The following TRIM8 variants were observed in gnomAD, a reference collection of about 807,000 sequenced individuals.
TRIM8 encodes E3 ubiquitin-protein ligase TRIM8.
In TRIM8, 9 loss-of-function variants were observed where a neutral mutation model predicts 55.7. The observed-to-expected ratio is 0.16, with a 90% CI of 0.10 to 0.28. TRIM8 has a LOEUF of 0.28. TRIM8 is among the 10% of genes least tolerant of loss of function. TRIM8 has a pLI of 1.00. For synonymous variants in TRIM8, 335 were observed against 333.3 expected (o/e 1.01, Z -0.06); for missense variants, 556 against 736.4 (o/e 0.76, Z 2.83).
intron 1 of TRIM8, among the ~76,000 whole-genome samples, chr10:102,652,013 G>A (rs890601731): frequency 6.6e-6 from 1 of 152,216 alleles, no homozygotes; most frequent in South Asian, 2.1e-4. Context: ...CATGCTGTGT[G>A]TGCTGTCGGG....
At chr10:102,648,352 G>A (rs757049058) in intron 1 of TRIM8, among the ~76,000 whole-genome samples, 3 of 152,198 alleles carry the variant, frequency 2.0e-5, no homozygotes, top group Admixed American at 2.0e-4. Context: ...TATGTGGTGC[G>A]TATGTGTCTA....
At chr10:102,652,441 C>T (rs1252045619) in intron 1 of TRIM8, among the ~76,000 whole-genome samples, 11 of 152,196 alleles carry the variant, frequency 7.2e-5, no homozygotes. Context: ...CTCCTTGCAG[C>T]ATGACAGTTA....
In TRIM8 at chr10:102,656,362, A is replaced by G. The variant is rs1187681297; in HGVS notation, c.1025A>G (p.Lys342Arg). The change falls in exon 5 of 6, where the codon AAG becomes AGG. Residue 342 changes from lysine to arginine, a missense_variant. Around this residue, in one of 2 missense-constraint regions of TRIM8, gnomAD observed 391 missense variants for 441.0 expected, o/e 0.89. Transcript: ENST00000643721. The surrounding 1 kb of genome is among the most constrained non-coding windows in gnomAD (Gnocchi z 4.6). Reference sequence around the variant, plus strand: ...CTGAACGAAGTGGCCAAGAAGGAGAAGCAGCTGCGGAAAATGCTAGAAGGT... The same window carrying G: ...CTGAACGAAGTGGCCAAGAAGGAGAGGCAGCTGCGGAAAATGCTAGAAGGT... Reference protein sequence around the residue: ...LFLNEVAKKEKQLRKMLEGPF... With the variant: ...LFLNEVAKKERQLRKMLEGPF... 1.2e-5 allele frequency: 20 copies of G among 1,613,714 alleles called. No individual in the cohort carries two copies. Among genetic ancestry groups the G allele is most frequent in the Non-Finnish European group, 1.7e-5 (20 of 1,179,818 alleles).
At chr10:102,646,548 G>A (rs2063937077) in intron 1 of TRIM8, among the ~76,000 whole-genome samples, 2 of 152,206 alleles carry the variant, frequency 1.3e-5, no homozygotes, top group African/African-American at 4.8e-5. Flanking sequence ...GGCTGGGGCG[G>A]GGGCAGCAAA....
Position 102,656,274 on chromosome 10 carries a change from C to G in TRIM8, c.937C>G (p.Gln313Glu). The part of the protein sequence containing the change: ...KSVKILMDRT[Q>E]TCTSSSLSPT... Reference sequence around the variant, plus strand: ...TGCCCCGTCCACTGCCCCCAGGACCCAGACCTGCACGAGCAGCAGCCTTTC... The same window carrying G: ...TGCCCCGTCCACTGCCCCCAGGACCGAGACCTGCACGAGCAGCAGCCTTTC... The change falls in exon 5 of 6, where the codon CAG (glutamine) becomes GAG (glutamate). Residue 313 changes from glutamine (Q) to glutamate (E), a missense_variant. By Grantham distance (29) the Gln-to-Glu change is conservative. This residue lies in a region of TRIM8 where 391 missense variants were observed against 441.0 expected (regional missense o/e 0.89). Coordinates refer to ENST00000643721, the MANE Select transcript of TRIM8 (RefSeq NM_030912.3). The surrounding 1 kb of genome is among the most constrained non-coding windows in gnomAD (Gnocchi z 4.6). 1.2e-6 allele frequency: 2 copies of G among 1,614,228 alleles called. No individual in the cohort carries two copies. Among genetic ancestry groups the G allele is most frequent in the Non-Finnish European group, 1.7e-6 (2 of 1,180,036 alleles).
In TRIM8 at chr10:102,644,968, C is replaced by G; in HGVS notation, c.351C>G (p.Ser117=). The change falls in exon 1 of 6, where the codon TCC becomes TCG. Residue 117 remains serine (S), a synonymous_variant. Coordinates refer to ENST00000643721, the MANE Select transcript of TRIM8 (RefSeq NM_030912.3). ...CLRCEAPCCQ[S]HVQTHLQQPS... ...GCTGCGAGGCGCCCTGCTGCCAGTC[C>G]CACGTGCAGACGCACCTGCAGCAGC... The G allele has an allele frequency of 6.3e-7, 1 of 1,598,650 alleles. No individual in the cohort carries two copies. The highest frequency in any genetic ancestry group is 8.5e-7 in the Non-Finnish European group (1 of 1,174,026).
Position 102,657,339 on chromosome 10 carries a change from C to T in TRIM8, c.1641C>T (p.His547=), listed in dbSNP as rs780536324. The T allele has an allele frequency of 1.3e-6, 2 of 1,581,426 alleles. No homozygotes were observed. Among genetic ancestry groups the T allele is most frequent in the South Asian group, 2.3e-5 (2 of 87,684 alleles). ...TGTATGGGCAGCCGTCCACCAAACA[C>T]TACGTGACGAGCTAACGCCACGCAG... ...YRVYGQPSTK[H]YVTS is the part of the protein sequence containing the mutation. Residue 547 remains histidine, a synonymous_variant, in exon 6 of 6, where the codon CAC becomes CAT. Coordinates refer to ENST00000643721, the MANE Select transcript of TRIM8 (RefSeq NM_030912.3).
chr10:102,649,580 C>T (rs558791335), intron 1 of TRIM8, among the ~76,000 whole-genome samples: 1 of 152,320 alleles, frequency 6.6e-6, no homozygotes, highest in African/African-American at 2.4e-5. Context: ...CAAAGGGGGG[C>T]TTTCTCTCTC....
At position 102,645,198 on chromosome 10, in the gene TRIM8, TAC is replaced by T; in HGVS notation, c.570+12_570+13del. On this transcript the variant is annotated intron_variant, in intron 1 of 5. Coordinates refer to ENST00000643721, the MANE Select transcript of TRIM8 (RefSeq NM_030912.3). ...AGGAATGAAATCCGGGCAAGTACCCTACGCGCGCGCGCGCACACACACACACA... is the reference window on the plus strand; with the variant it reads ...AGGAATGAAATCCGGGCAAGTACCCTGCGCGCGCGCGCACACACACACACA... The T allele has an allele frequency of 3.3e-6, 5 of 1,523,906 alleles. No homozygotes were observed. Among genetic ancestry groups the T allele is most frequent in the Non-Finnish European group, 4.4e-6 (5 of 1,142,802 alleles). The allele number at this position is 1,523,906 out of a possible 1,614,324, so 94.4% of individuals were successfully genotyped here.
Position 102,645,148 on chromosome 10 carries a change from C to T in TRIM8, c.531C>T (p.His177=), listed in dbSNP as rs2063923015. The change falls in exon 1 of 6, where the codon CAC becomes CAT. Residue 177 remains histidine (H), a synonymous_variant. Coordinates refer to ENST00000643721, the MANE Select transcript of TRIM8 (RefSeq NM_030912.3). The stretch of plus-strand genomic sequence containing the variant: ...ACTACAGCGGCGCGCATCAGGGACA[C>T]TCGGTGTGCGACGTGGAGATCCGAA... The part of the protein sequence containing the change: ...CCYYSGAHQG[H]SVCDVEIRRN... 2.5e-6 allele frequency: 4 copies of T among 1,569,480 alleles called. No homozygotes were observed. The highest frequency in any genetic ancestry group is 3.4e-6 in the Non-Finnish European group (4 of 1,166,254).
chr10:102,649,939 G>A (rs1164995233), intron 1 of TRIM8, among the ~76,000 whole-genome samples: 1 of 152,142 alleles, frequency 6.6e-6, no homozygotes, highest in African/African-American at 2.4e-5. Flanking sequence ...AGGATGGGGT[G>A]GCTCTGAGAA....
chr10:102,649,979 G>A (rs934259043), intron 1 of TRIM8, among the ~76,000 whole-genome samples: 6 of 151,846 alleles, frequency 4.0e-5, no homozygotes, highest in Non-Finnish European at 7.4e-5. Flanking sequence ...GGAGCTGGCC[G>A]GGCAGGGACC....
At chr10:102,653,694 T>A (rs1590108477) in intron 1 of TRIM8, 1 of 152,168 alleles carries the variant, frequency 6.6e-6, no homozygotes, top group Non-Finnish European at 1.5e-5. Flanking sequence ...CTGAGGGAGC[T>A]AGCCAGGACT....
intron 1 of TRIM8, 22 bp downstream of exon 1, chr10:102,645,209 GCGCA>G (rs1173368736): frequency 4.0e-6 from 6 of 1,515,596 alleles, no homozygotes; most frequent in South Asian, 2.5e-5. Context: ...ACGCGCGCGC[GCGCA>G]CACACACACA....
At position 102,657,294 on chromosome 10, in the gene TRIM8, C is replaced by T. The variant is rs2064034577; in HGVS notation, c.1596C>T (p.Gly532=). 6.2e-7 allele frequency: 1 copy of T among 1,612,816 alleles called. No homozygotes were observed. The highest frequency in any genetic ancestry group is 2.2e-5 in the East Asian group (1 of 44,862). ...GGCTTGACGCCTCCCAGCAGCCCGGCCACCAGGATTTCTACAGGGTGTATG... is the reference window on the plus strand; with the variant it reads ...GGCTTGACGCCTCCCAGCAGCCCGGTCACCAGGATTTCTACAGGGTGTATG... ...RDWLDASQQP[G]HQDFYRVYGQ... Residue 532 remains glycine, a synonymous_variant, in exon 6 of 6, where the codon GGC becomes GGT. Transcript: ENST00000643721.
rs550100319 is a variant in TRIM8 at position 102,645,207 on chromosome 10, G to A, written c.570+20G>A. 69 of 1,518,224 alleles carry A rather than the reference G, an allele frequency of 4.5e-5. No homozygotes were observed. The East Asian group carries it at 1.6e-3, about 35-fold the overall frequency. The allele number at this position is 1,518,224 out of a possible 1,614,324, so 94.0% of individuals were successfully genotyped here. A position where few individuals can be genotyped will look rare whatever the true frequency, so the allele number is the denominator to read the frequency against. The stretch of plus-strand genomic sequence containing the variant: ...ATCCGGGCAAGTACCCTACGCGCGC[G>A]CGCGCACACACACACACACAGACAC... On this transcript the variant is annotated intron_variant, in intron 1 of 5. Transcript: ENST00000643721.
In TRIM8 at chr10:102,657,033, G is replaced by C. The variant is rs372655822; in HGVS notation, c.1335G>C (p.Gln445His). Reference sequence around the variant, plus strand: ...CAAGCCCCGTGTTCCCCCCATCGCAGTATCCCAATGGCTCCGCCGCCCAGC... The same window carrying C: ...CAAGCCCCGTGTTCCCCCCATCGCACTATCCCAATGGCTCCGCCGCCCAGC... ...VHSSPVFPPS[Q>H]YPNGSAAQQP... Residue 445 changes from glutamine (Q) to histidine (H), a missense_variant, in exon 6 of 6, where the codon CAG becomes CAC. Gln to His is a conservative substitution (Grantham distance 24, BLOSUM62 0). Coordinates refer to ENST00000643721, the MANE Select transcript of TRIM8 (RefSeq NM_030912.3). 5 of 1,612,924 alleles carry C rather than the reference G, an allele frequency of 3.1e-6. No individual in the cohort carries two copies. Among genetic ancestry groups the C allele is most frequent in the Non-Finnish European group, 4.2e-6 (5 of 1,179,946 alleles).
intron 1 of TRIM8, among the ~76,000 whole-genome samples, chr10:102,652,765 A>G (rs2063994996): frequency 6.6e-6 from 1 of 151,758 alleles, no homozygotes; most frequent in Non-Finnish European, 1.5e-5. Context: ...GGTACTGGGC[A>G]CTTGAAATGA....
In TRIM8 at chr10:102,655,220, G is replaced by A. The variant is rs201767477; in HGVS notation, c.807G>A (p.Ala269=). 8.2e-5 allele frequency: 131 copies of A among 1,606,034 alleles called. No individual in the cohort carries two copies. The highest frequency in any genetic ancestry group is 2.2e-5 in the East Asian group (1 of 44,854). ...AKFCSENAAQ[A]LHLGERMQEA... Reference sequence around the variant, plus strand: ...TCTGCAGCGAGAACGCAGCGCAGGCGCTGCACCTCGGGGAGCGCATGCAGG... The same window carrying A: ...TCTGCAGCGAGAACGCAGCGCAGGCACTGCACCTCGGGGAGCGCATGCAGG... Residue 269 remains alanine (A), a synonymous_variant, in exon 3 of 6, where the codon GCG becomes GCA. Transcript: ENST00000643721.
Sources: allele counts gnomAD v4.1 joint callset (sites outside exome capture counted in the v4.1 genomes callset), GRCh38; gene constraint gnomAD v4.1.1; regional missense constraint gnomAD v4.1.1; non-coding constraint Gnocchi (gnomAD v3.1); transcripts MANE v1.5; gene names NCBI Gene and HGNC (gene_info 2026-07-23, HGNC 2026-07-21).